Variants in RCBTB2 observed in about 807,000 individuals in gnomAD.
RCBTB2 encodes RCC1 and BTB domain containing protein 2.
A neutral mutation model predicts 65.4 loss-of-function variants in RCBTB2; 55 were observed. The observed-to-expected ratio is 0.84, with a 90% confidence interval of 0.68 to 1.05. The LOEUF (loss-of-function observed/expected upper bound fraction) is 1.05, where lower values mean the gene tolerates loss of function less well. Ranked by LOEUF, RCBTB2 falls within the 50% of genes least tolerant of loss-of-function variation. The pLI is 0.00. For synonymous variants in RCBTB2, 220 were observed against 255.2 expected (o/e 0.86, Z 1.31); for missense variants, 599 against 680.1 (o/e 0.88, Z 1.33).
At position 48,489,994 on chromosome 13, in the gene RCBTB2, T is replaced by A. The variant is rs950519610; in HGVS notation, c.*117A>T. ...CTCACCACCATCCTTCTTCTGACAG[T>A]TACAAGTACTCAGCCAAACATAGCT... On this transcript the variant is annotated 3_prime_UTR_variant, in exon 15 of 15. Transcript: ENST00000344532. The A allele has an allele frequency of 1.0e-4, 115 of 1,125,088 alleles. No individual in the cohort carries two copies. The highest frequency in any genetic ancestry group is 1.4e-4 in the Non-Finnish European group (103 of 752,876). 69.7% of individuals were successfully genotyped at this position (1,125,088 alleles called of 1,614,324 possible).
Position 48,499,719 on chromosome 13 carries a change from T to TC in RCBTB2, c.1285dup (p.Asp429GlyfsTer7). On this transcript the variant is annotated frameshift_variant, in exon 13 of 15. Coordinates refer to ENST00000344532, the MANE Select transcript of RCBTB2 (RefSeq NM_001268.4). LOFTEE classifies it high-confidence loss of function. ...TGAAAATTCACTCATTTCTACAATA[T>TC]CATCCTCGTTATCTTCCAATGACGA... 6.2e-7 allele frequency: 1 copy of TC among 1,614,158 alleles called. No individual in the cohort carries two copies. Among genetic ancestry groups the TC allele is most frequent in the Non-Finnish European group, 8.5e-7 (1 of 1,180,022 alleles).
In RCBTB2 at chr13:48,489,893, C is replaced by T; in HGVS notation, c.*218G>A. On this transcript the variant is annotated 3_prime_UTR_variant, in exon 15 of 15. Transcript: ENST00000344532. The stretch of plus-strand genomic sequence containing the variant: ...TAAATAAGATATTTCAATTTTTTTT[C>T]CTTGACCTTAGTCACATCTGATCAG... 3.6e-6 allele frequency: 2 copies of T among 563,172 alleles called. No homozygotes were observed. The highest frequency in any genetic ancestry group is 6.2e-6 in the Non-Finnish European group (2 of 322,212). 34.9% of individuals were successfully genotyped at this position (563,172 alleles called of 1,614,324 possible).
At chr13:48,535,530 A>G (rs949045129), upstream of RCBTB2, among the ~76,000 whole-genome samples, 1 of 152,246 alleles carries the variant, frequency 6.6e-6, no homozygotes, top group African/African-American at 2.4e-5. Flanking sequence ...TGCCGAGATT[A>G]TAGATGTGAG....
chr13:48,514,117 G>T (rs1326415642), intron 6 of RCBTB2, among the ~76,000 whole-genome samples: 1 of 152,208 alleles, frequency 6.6e-6, no homozygotes, highest in African/African-American at 2.4e-5. Flanking sequence ...AGAACCGTAT[G>T]GTTTCTCTTT....
intron 10 of RCBTB2, among the ~76,000 whole-genome samples, chr13:48,504,770 C>G (rs575167347): frequency 1.1e-4 from 17 of 152,214 alleles, no homozygotes; most frequent in Non-Finnish European, 2.2e-4. Flanking sequence ...CTGACACGGG[C>G]TAGCACCTGA....
At chr13:48,532,311 CCGCAGTTCCAAAA>C (rs998411794) in intron 1 of RCBTB2, 10 of 152,510 alleles carry the variant, frequency 6.6e-5, no homozygotes, top group Admixed American at 5.2e-4. Context: ...TCCCATCCCT[CCGCAGTTCCAAAA>C]CGGCTTCGCC....
chr13:48,518,472 A>AAAATAT lies in RCBTB2; in HGVS notation c.43-2732_43-2731insATATTT, dbSNP rs1491137365. 5.3e-3 allele frequency among the ~76,000 whole-genome samples: 622 copies of AAAATAT among 116,522 alleles called. 8 individuals carry two copies. Among genetic ancestry groups the AAAATAT allele is most frequent in the African/African-American group, 0.019 (505 of 26,508 alleles). 76.4% of individuals were successfully genotyped at this position (116,522 alleles called of 152,430 possible). ...AGAGTACTTTGCAAAAAAAAAAAAA[A>AAAATAT]ATATATATATATATATATATATATT... is the stretch of plus-strand genomic sequence containing the variant. On this transcript the variant is annotated intron_variant, in intron 4 of 14. Transcript: ENST00000344532.
intron 1 of RCBTB2, among the ~76,000 whole-genome samples, chr13:48,527,332 T>TATGATATATATATATATATATC (rs1555310618): frequency 1.1e-4 from 14 of 130,378 alleles, no homozygotes; most frequent in African/African-American, 4.8e-4. Context: ...TATATATATA[T>TATGATATATATATATATATATC]ATATGATATA....
chr13:48,514,462 C>A (rs9595913), intron 6 of RCBTB2, among the ~76,000 whole-genome samples: 12,363 of 152,260 alleles, frequency 0.081, 1,285 homozygotes, highest in African/African-American at 0.24. Flanking sequence ...GAAAGTAAAA[C>A]CAAGGATAAC....
intron 4 of RCBTB2, among the ~76,000 whole-genome samples, chr13:48,519,787 C>G (rs1475020011): frequency 6.6e-6 from 1 of 152,116 alleles, no homozygotes; most frequent in East Asian, 1.9e-4. Flanking sequence ...GGAAGTTAGT[C>G]ATCAAAGACT....
At chr13:48,510,197 G>A (rs1950702153) in intron 10 of RCBTB2, among the ~76,000 whole-genome samples, 1 of 152,192 alleles carries the variant, frequency 6.6e-6, no homozygotes, top group African/African-American at 2.4e-5. Context: ...CTTCTCAACT[G>A]GCAAATTTCC....
At chr13:48,527,383 AT>A (rs1951861361) in intron 1 of RCBTB2, among the ~76,000 whole-genome samples, 1 of 139,670 alleles carries the variant, frequency 7.2e-6, no homozygotes, top group Non-Finnish European at 1.5e-5. Context: ...TATATATATG[AT>A]ATATATTTAT....
At position 48,533,031 on chromosome 13, in the gene RCBTB2, C is replaced by G. The variant is rs1174375227; in HGVS notation, c.-222G>C. ...CACCACTCCTCCACCCTCTTACCTCCTCGCAGGCCGGAGCCTTGTCCGCTC... is the reference window on the plus strand; with the variant it reads ...CACCACTCCTCCACCCTCTTACCTCGTCGCAGGCCGGAGCCTTGTCCGCTC... On this transcript the variant is annotated 5_prime_UTR_variant, in exon 1 of 15. Transcript: ENST00000344532. 2.2e-6 allele frequency: 1 copy of G among 455,130 alleles called. No individual in the cohort carries two copies. The highest frequency in any genetic ancestry group is 4.4e-6 in the Non-Finnish European group (1 of 226,416). 28.2% of individuals were successfully genotyped at this position (455,130 alleles called of 1,614,324 possible).
intron 10 of RCBTB2, among the ~76,000 whole-genome samples, chr13:48,506,288 A>G (rs902153813): frequency 8.5e-5 from 13 of 152,248 alleles, no homozygotes; most frequent in African/African-American, 3.1e-4. Context: ...CGTCGGCTTC[A>G]ATCCAGAGCC....
At chr13:48,527,800 CTT>C (rs1167915792) in intron 1 of RCBTB2, among the ~76,000 whole-genome samples, 2 of 152,174 alleles carry the variant, frequency 1.3e-5, no homozygotes, top group Non-Finnish European at 1.5e-5. Flanking sequence ...TTTCTCTACA[CTT>C]TTAAAAACTA....
At chr13:48,516,173 G>A (rs919846121) in intron 4 of RCBTB2, among the ~76,000 whole-genome samples, 3 of 152,174 alleles carry the variant, frequency 2.0e-5, no homozygotes, top group East Asian at 1.9e-4. Flanking sequence ...AAAGAACAAC[G>A]CTGAAAGTGA....
chr13:48,511,903 C>T (rs543170265), intron 8 of RCBTB2, 26 bp from the exon 9 acceptor site: 2 of 1,612,946 alleles, frequency 1.2e-6, no homozygotes, highest in South Asian at 1.1e-5. Context: ...ACCCTCAATC[C>T]TCTCAAGAGA....
chr13:48,532,925 G>T (rs74371188), intron 1 of RCBTB2, 103 bp downstream of exon 1: 18,005 of 449,576 alleles, frequency 0.04, 1,159 homozygotes, highest in African/African-American at 0.19. Context: ...AGGTCGGGCC[G>T]CAGGGGCGGG....
chr13:48,527,361 T>TTTTATATGATATATA (rs1951843709), intron 1 of RCBTB2, among the ~76,000 whole-genome samples: 1 of 112,444 alleles, frequency 8.9e-6, no homozygotes. Context: ...TGATATATAT[T>TTTTATATGATATATA]TATATATGAT....
Sources: allele counts gnomAD v4.1 joint callset (sites outside exome capture counted in the v4.1 genomes callset), GRCh38; gene constraint gnomAD v4.1.1; transcripts MANE v1.5; gene names NCBI Gene and HGNC (gene_info 2026-07-23, HGNC 2026-07-21).